FGD6: variants seen among roughly 807,000 people sequenced by gnomAD.
FGD6 encodes the protein FYVE, RhoGEF and PH domain-containing protein 6.
FGD6 carries 90 observed loss-of-function variants against 149.4 expected under a neutral mutation model. That is an observed-to-expected ratio of 0.60 (90% CI 0.51 to 0.72). FGD6 has a LOEUF of 0.72. Among genes scored for constraint, FGD6 ranks in the 30% least tolerant of loss-of-function variants. The probability of loss-of-function intolerance (pLI) is 0.00; values close to 1 mark genes in which losing one functional copy is unlikely to be tolerated. For synonymous variants in FGD6, 527 were observed against 584.0 expected (o/e 0.90, Z 1.41); for missense variants, 1,437 against 1,684.8 (o/e 0.85, Z 2.57).
At chr12:95,093,429 C>A (rs1878132353) in intron 15 of FGD6, among the ~76,000 whole-genome samples, 1 of 152,032 alleles carries the variant, frequency 6.6e-6, no homozygotes, top group Non-Finnish European at 1.5e-5. Flanking sequence ...CCTGTAATAC[C>A]AGCACTTTGG....
intron 18 of FGD6, 114 bp from the exon 19 acceptor site, chr12:95,086,022 A>G: frequency 9.4e-7 from 1 of 1,066,950 alleles, no homozygotes; most frequent in Non-Finnish European, 1.3e-6. Context: ...AATGTTTCAG[A>G]ATGAAATATA....
At chr12:95,159,506 C>G (rs942905160) in intron 3 of FGD6, among the ~76,000 whole-genome samples, 1 of 152,180 alleles carries the variant, frequency 6.6e-6, no homozygotes, top group Non-Finnish European at 1.5e-5. Flanking sequence ...ATTCGCAAAT[C>G]ATGATTCTGA....
intron 7 of FGD6, among the ~76,000 whole-genome samples, chr12:95,136,079 G>A (rs1186637371): frequency 6.6e-6 from 1 of 152,222 alleles, no homozygotes; most frequent in East Asian, 1.9e-4. Context: ...TTTCATTTTG[G>A]TTGGGTGAGG....
chr12:95,189,001 A>C (rs1490105484), intron 2 of FGD6, among the ~76,000 whole-genome samples: 1 of 152,202 alleles, frequency 6.6e-6, no homozygotes, highest in Non-Finnish European at 1.5e-5. Flanking sequence ...GAATTCTCTA[A>C]TTCCCTAGAC....
At chr12:95,098,104 C>T (rs1161874503) in intron 14 of FGD6, among the ~76,000 whole-genome samples, 1 of 152,162 alleles carries the variant, frequency 6.6e-6, no homozygotes, top group African/African-American at 2.4e-5. Context: ...CTTACAGAAA[C>T]TGCCCCTTGA....
At chr12:95,153,053 G>C in intron 3 of FGD6, 60 bp from the exon 4 acceptor site, 1 of 1,477,388 alleles carries the variant, frequency 6.8e-7, no homozygotes, top group Non-Finnish European at 9.4e-7. Flanking sequence ...TCAGCTATGA[G>C]CTAGTCAGAC....
In FGD6 at chr12:95,085,658, C is replaced by G. The variant is rs572815735; in HGVS notation, c.4107+122G>C. 1.5e-5 allele frequency: 16 copies of G among 1,068,116 alleles called. No homozygotes were observed. The African/African-American group carries it at 2.6e-4, about 17-fold the overall frequency. 66.2% of individuals were successfully genotyped at this position (1,068,116 alleles called of 1,614,324 possible). On this transcript the variant is annotated intron_variant, in intron 19 of 20. Transcript: ENST00000343958. ...ATTAAAAATAACAGCAACAACACCT[C>G]CCCCATCCAAAAGCAAAGCAAAAAA...
Position 95,210,192 on chromosome 12 carries a change from C to T in FGD6, c.1092G>A (p.Leu364=). 1 of 1,613,990 alleles carries T rather than the reference C, an allele frequency of 6.2e-7. No homozygotes were observed. The highest frequency in any genetic ancestry group is 8.5e-7 in the Non-Finnish European group (1 of 1,180,016). The change falls in exon 2 of 21, where the codon CTG becomes CTA. Residue 364 remains leucine, a synonymous_variant. Transcript: ENST00000343958. ...NSLKINKISV[L]HQNVLCKQEQ... ...CCTGCTTACACAAAACATTCTGATG[C>T]AGAACACTGATTTTATTGATTTTCA... is the stretch of plus-strand genomic sequence containing the variant.
chr12:95,085,839 A>C lies in FGD6; in HGVS notation c.4048T>G (p.Trp1350Gly), dbSNP rs1877846788. 5.6e-6 allele frequency: 9 copies of C among 1,613,962 alleles called. No homozygotes were observed. The highest frequency in any genetic ancestry group is 7.6e-6 in the Non-Finnish European group (9 of 1,179,938). The change falls in exon 19 of 21, where the codon TGG (tryptophan) becomes GGG (glycine). Residue 1350 changes from tryptophan (W) to glycine (G), a missense_variant. By Grantham distance (184) the Trp-to-Gly change is radical. Around this residue, in one of 2 missense-constraint regions of FGD6, gnomAD observed 382 missense variants for 538.7 expected, o/e 0.71. Transcript: ENST00000343958. The stretch of plus-strand genomic sequence containing the variant: ...TTTATGACAAACCAAAAGTGTTTCC[A>C]GGGTTTTTTATTGCCCTTTGATCTG... ...LYRSKGNKKP[W>G]KHFWFVIKNK...
At chr12:95,088,883 A>G (rs1384205270) in intron 18 of FGD6, among the ~76,000 whole-genome samples, 9 of 151,922 alleles carry the variant, frequency 5.9e-5, no homozygotes, top group Non-Finnish European at 1.3e-4. Flanking sequence ...TCCTTCCACT[A>G]TGTATGCTAG....
Position 95,141,286 on chromosome 12 carries a change from C to T in FGD6, c.2837+102G>A, listed in dbSNP as rs572404561. On this transcript the variant is annotated intron_variant, in intron 6 of 20. Coordinates refer to ENST00000343958, the MANE Select transcript of FGD6 (RefSeq NM_018351.4). ...TAACTGCAAAGACAATATATTCAAA[C>T]AACTCAATGTAATGAAAATATATCT... The T allele has an allele frequency of 4.1e-6, 5 of 1,207,160 alleles. No individual in the cohort carries two copies. The African/African-American group carries it at 6.1e-5, about 15-fold the overall frequency. 74.8% of individuals were successfully genotyped at this position (1,207,160 alleles called of 1,614,324 possible). A position where few individuals can be genotyped will look rare whatever the true frequency, so the allele number is the denominator to read the frequency against.
intron 15 of FGD6, 148 bp downstream of exon 15, chr12:95,094,444 A>G (rs1422054808): frequency 8.7e-6 from 5 of 575,602 alleles, no homozygotes; most frequent in Non-Finnish European, 1.5e-5. Flanking sequence ...TTTAGCGCTG[A>G]AATGAGACAT....
At chr12:95,203,047 T>C (rs2056671318) in intron 2 of FGD6, among the ~76,000 whole-genome samples, 1 of 152,172 alleles carries the variant, frequency 6.6e-6, no homozygotes, top group African/African-American at 2.4e-5. Flanking sequence ...TACCATGAGG[T>C]GGTAAATGTA....
chr12:95,088,769 C>T (rs979671839), intron 18 of FGD6, among the ~76,000 whole-genome samples: 1 of 152,158 alleles, frequency 6.6e-6, no homozygotes. Context: ...AGTATGGATA[C>T]GTGCTGTAAT....
At chr12:95,155,523 T>C (rs1011171888) in intron 3 of FGD6, among the ~76,000 whole-genome samples, 4 of 152,178 alleles carry the variant, frequency 2.6e-5, no homozygotes, top group Non-Finnish European at 5.9e-5. Context: ...AGTGAAACTC[T>C]GTCTCAAAAC....
At chr12:95,089,400 G>C (rs1420992430) in intron 18 of FGD6, among the ~76,000 whole-genome samples, 169 bp downstream of exon 18, 1 of 152,176 alleles carries the variant, frequency 6.6e-6, no homozygotes, top group East Asian at 1.9e-4. Flanking sequence ...GGTCAGACGG[G>C]AGACCAAGCA....
intron 6 of FGD6, among the ~76,000 whole-genome samples, chr12:95,138,796 C>T (rs916962539): frequency 6.6e-5 from 10 of 152,154 alleles, no homozygotes; most frequent in Non-Finnish European, 1.3e-4. Context: ...GCCACCTTCA[C>T]AGAGGGCTTT....
At chr12:95,122,645 CA>C (rs397687285) in intron 8 of FGD6, among the ~76,000 whole-genome samples, 2,651 of 64,224 alleles carry the variant, frequency 0.041, 9 homozygotes, top group African/African-American at 0.066. Context: ...GACTCAGTCT[CA>C]AAAAAAAAAA....
At chr12:95,091,887 T>G in intron 16 of FGD6, 78 bp from the exon 17 acceptor site, 2 of 1,091,722 alleles carry the variant, frequency 1.8e-6, no homozygotes, top group South Asian at 2.8e-5. Flanking sequence ...TGTTACAATT[T>G]ACAGTGCTAT....
Sources: gnomAD v4.1 joint callset for allele counts (sites outside exome capture counted in the v4.1 genomes callset) on GRCh38, gnomAD v4.1.1 for gene constraint, gnomAD v4.1.1 regional missense constraint, MANE v1.5 for transcripts, NCBI Gene and HGNC (gene_info 2026-07-23, HGNC 2026-07-21) for gene names.